TTLL11: variants seen among roughly 807,000 people sequenced by gnomAD.
The protein encoded by TTLL11 is tubulin tyrosine ligase like 11.
In TTLL11, 42 loss-of-function variants were observed where a neutral mutation model predicts 51.7. The observed-to-expected ratio is 0.81, with a 90% CI of 0.64 to 1.05. TTLL11 has a LOEUF of 1.05. Among genes scored for constraint, TTLL11 ranks in the 50% least tolerant of loss-of-function variants. The pLI, the probability that TTLL11 is intolerant of heterozygous loss-of-function variation, is 0.00. For synonymous variants in TTLL11, 381 were observed against 383.5 expected, an observed-to-expected ratio of 0.99 and a Z score of 0.08; for missense variants, 799 against 940.4, an observed-to-expected ratio of 0.85 and a Z score of 1.97.
intron 6 of TTLL11, among the ~76,000 whole-genome samples, chr9:121,885,938 AG>A (rs1309755869): frequency 2.0e-5 from 3 of 152,194 alleles, no homozygotes; most frequent in Non-Finnish European, 4.4e-5. Flanking sequence ...TATGTTGTCC[AG>A]GCTGGCCTCT....
chr9:121,985,309 T>C (rs888901834), intron 4 of TTLL11, among the ~76,000 whole-genome samples: 1 of 151,976 alleles, frequency 6.6e-6, no homozygotes, highest in Non-Finnish European at 1.5e-5. Flanking sequence ...CCCTTTGAGG[T>C]AGGCAAGGAA....
Position 121,822,776 on chromosome 9 carries a change from G to A in TTLL11, c.1944C>T (p.Cys648=), listed in dbSNP as rs766983167. The change falls in exon 9 of 9, where the codon TGC becomes TGT. Residue 648 remains cysteine (C), a synonymous_variant. Transcript: ENST00000321582. The surrounding 1 kb of genome is among the most constrained non-coding windows in gnomAD (Gnocchi z 5.8). ...CATCCAGCAGGGACAGGTGGTACTC[G>A]CAAAGGTCAATCAGTGAGGCCACCT... ...HEQVASLIDL[C]EYHLSLLDEK... is the part of the protein sequence containing the mutation. 58 of 1,551,588 alleles carry A rather than the reference G, an allele frequency of 3.7e-5. No individual in the cohort carries two copies. Among genetic ancestry groups the A allele is most frequent in the Non-Finnish European group, 4.8e-5 (55 of 1,147,000 alleles).
chr9:121,951,673 A>C (rs1208845947), intron 6 of TTLL11, among the ~76,000 whole-genome samples: 1 of 152,222 alleles, frequency 6.6e-6, no homozygotes, highest in African/African-American at 2.4e-5. Context: ...TACAGGAAAG[A>C]GGTCCTGATC....
rs551086602 is a variant in TTLL11, at chr9:121,960,347, G to A, written c.1481+13662C>T. On this transcript the variant is annotated intron_variant, in intron 6 of 8. Transcript: ENST00000321582. ...ATAATGAGTGCATTATTCTGTTGGTGGACATTAGGTTGATTCCAGCTTAGA... is the reference window on the plus strand; with the variant it reads ...ATAATGAGTGCATTATTCTGTTGGTAGACATTAGGTTGATTCCAGCTTAGA... 1.3e-4 allele frequency among the ~76,000 whole-genome samples: 20 copies of A among 152,296 alleles called. No homozygotes were observed. The South Asian group carries it at 3.7e-3, about 28-fold the overall frequency.
chr9:121,834,473 C>T (rs1312068753), intron 8 of TTLL11, among the ~76,000 whole-genome samples: 1 of 120,770 alleles, frequency 8.3e-6, no homozygotes, highest in Admixed American at 7.7e-5. Context: ...TAATAGCTGC[C>T]CTGAGTGGCT....
intron 6 of TTLL11, among the ~76,000 whole-genome samples, chr9:121,932,722 G>A (rs998543454): frequency 1.3e-5 from 2 of 151,994 alleles, no homozygotes; most frequent in Admixed American, 6.6e-5. Context: ...CAAATAATAA[G>A]GCTAATTCCC....
At chr9:121,882,188 T>C (rs1334923580) in intron 6 of TTLL11, among the ~76,000 whole-genome samples, 1 of 152,160 alleles carries the variant, frequency 6.6e-6, no homozygotes, top group Non-Finnish European at 1.5e-5. Context: ...CAGTATCAAC[T>C]GGTAACCAGG....
chr9:122,012,677 C>A (rs113249632), intron 3 of TTLL11, among the ~76,000 whole-genome samples: 1 of 147,698 alleles, frequency 6.8e-6, no homozygotes, highest in African/African-American at 2.6e-5. Flanking sequence ...CACACACACA[C>A]GCACACACAC....
intron 4 of TTLL11, among the ~76,000 whole-genome samples, chr9:121,986,606 G>A (rs1479929023): frequency 6.6e-6 from 1 of 152,102 alleles, no homozygotes; most frequent in Non-Finnish European, 1.5e-5. Flanking sequence ...AGTTTCTCAG[G>A]ACAGATTTCT....
Position 122,000,153 on chromosome 9 carries a change from G to A in TTLL11, c.694-10383C>T, listed in dbSNP as rs186625601. On this transcript the variant is annotated intron_variant, in intron 3 of 8. Coordinates refer to ENST00000321582, the MANE Select transcript of TTLL11 (RefSeq NM_001139442.2). The stretch of plus-strand genomic sequence containing the variant: ...TCTAAGTCACAGGATGAGACAGGAG[G>A]TCAGCACAATATACAGGTCATAAAG... 4.5e-3 allele frequency among the ~76,000 whole-genome samples: 690 copies of A among 152,226 alleles called. 6 individuals are homozygous for A. Among genetic ancestry groups the A allele is most frequent in the African/African-American group, 0.016 (668 of 41,542 alleles).
Position 121,820,621 on chromosome 9 carries a change from A to G in TTLL11, c.*1966T>C, listed in dbSNP as rs1836548205. Among the ~76,000 whole-genome samples, 2 of 152,088 alleles carry G rather than the reference A, an allele frequency of 1.3e-5. No homozygotes were observed. Among genetic ancestry groups the G allele is most frequent in the Non-Finnish European group, 2.9e-5 (2 of 68,020 alleles). ...GCCAAAGACAGACACACCTGGACCA[A>G]GTCCTGACTACATGGCCTCCTGGGC... On this transcript the variant is annotated 3_prime_UTR_variant, in exon 9 of 9. Transcript: ENST00000321582.
chr9:121,844,949 T>G (rs1209834717), intron 8 of TTLL11, among the ~76,000 whole-genome samples: 1 of 152,096 alleles, frequency 6.6e-6, no homozygotes, highest in African/African-American at 2.4e-5. Context: ...GAAGATAGAT[T>G]TGAAGCCGTA....
chr9:121,989,605 T>G lies in TTLL11; in HGVS notation c.859A>C (p.Lys287Gln). The G allele has an allele frequency of 6.2e-7, 1 of 1,614,120 alleles. No individual in the cohort carries two copies. Among genetic ancestry groups the G allele is most frequent in the Non-Finnish European group, 8.5e-7 (1 of 1,180,036 alleles). ...RPAVVQEYICKPLLIDKLKFD... is the reference protein window; with the variant it reads ...RPAVVQEYICQPLLIDKLKFD... ...TTGAGCTTGTCGATAAGGAGAGGTT[T>G]GCAGATGTACTCCTGGACCACCGCT... is the stretch of plus-strand genomic sequence containing the variant. The change falls in exon 4 of 9, where the codon AAA (lysine) becomes CAA (glutamine). Residue 287 changes from lysine to glutamine, a missense_variant. Physicochemically the swap from Lys to Gln is moderately conservative, Grantham distance 53. Coordinates refer to ENST00000321582, the MANE Select transcript of TTLL11 (RefSeq NM_001139442.2). The surrounding 1 kb of genome is among the most constrained non-coding windows in gnomAD (Gnocchi z 4.2).
At chr9:121,908,405 A>G (rs1588116196) in intron 6 of TTLL11, among the ~76,000 whole-genome samples, 1 of 152,334 alleles carries the variant, frequency 6.6e-6, no homozygotes, top group Admixed American at 6.5e-5. Flanking sequence ...GCATCATAAC[A>G]TGGCTCATTC....
rs1418151660 is a variant in TTLL11, at chr9:121,816,133, G to C, written c.*6454C>G. The C allele has an allele frequency of 4.6e-5, 7 of 152,220 alleles. No homozygotes were observed. The highest frequency in any genetic ancestry group is 1.0e-4 in the Non-Finnish European group (7 of 68,054). The allele number at this position is 152,220 out of a possible 1,614,324, so 9.4% of individuals were successfully genotyped here. ...AAAGTCACTGGCCCGTGGTCATTTA[G>C]GCAGAGCGCAACAGATAGAACAAAG... is the stretch of plus-strand genomic sequence containing the variant. On this transcript the variant is annotated 3_prime_UTR_variant, in exon 9 of 9. Transcript: ENST00000321582.
At chr9:122,064,690 C>T (rs188199806) in intron 1 of TTLL11, among the ~76,000 whole-genome samples, 152 of 152,166 alleles carry the variant, frequency 1.0e-3, no homozygotes, top group Non-Finnish European at 1.8e-3. Context: ...GACACAAGAA[C>T]TCATTACAAA....
In TTLL11 at chr9:121,816,999, C is replaced by A. The variant is rs988185267; in HGVS notation, c.*5588G>T. On this transcript the variant is annotated 3_prime_UTR_variant, in exon 9 of 9. Transcript: ENST00000321582. ...TTAATACACACGGTGGTGAATGATC[C>A]CTCCGTGCGAGGAGGACAGCGCTCT... The A allele has an allele frequency of 1.3e-5, 2 of 152,146 alleles. No individual in the cohort carries two copies. Among genetic ancestry groups the A allele is most frequent in the African/African-American group, 4.8e-5 (2 of 41,412 alleles). The allele number at this position is 152,146 out of a possible 1,614,324, so 9.4% of individuals were successfully genotyped here.
intron 3 of TTLL11, among the ~76,000 whole-genome samples, chr9:122,027,461 G>A (rs1844381090): frequency 1.3e-5 from 2 of 152,148 alleles, no homozygotes; most frequent in Admixed American, 1.3e-4. Flanking sequence ...AGTGAATCCT[G>A]TACCAGAAAA....
intron 6 of TTLL11, among the ~76,000 whole-genome samples, chr9:121,888,215 A>G (rs1364836065): frequency 6.6e-6 from 1 of 152,152 alleles, no homozygotes; most frequent in African/African-American, 2.4e-5. Flanking sequence ...GCTCTGGTAT[A>G]ACCTCCCCTA....
Sources: gnomAD v4.1 joint callset for allele counts (sites outside exome capture counted in the v4.1 genomes callset) on GRCh38, gnomAD v4.1.1 for gene constraint, Gnocchi (gnomAD v3.1) non-coding constraint, MANE v1.5 for transcripts, NCBI Gene and HGNC (gene_info 2026-07-23, HGNC 2026-07-21) for gene names.